Variants in MEF2C observed in about 807,000 individuals in gnomAD.
The protein encoded by MEF2C is myocyte-specific enhancer factor 2C.
Under a neutral mutation model 50.5 loss-of-function variants are expected in MEF2C, and 6 were observed. That is an observed-to-expected ratio of 0.12 (90% CI 0.07 to 0.23). The LOEUF is 0.23. MEF2C is among the 10% of genes least tolerant of loss of function. The pLI is 1.00. For missense variants in MEF2C, 276 were observed against 605.0 expected, an observed-to-expected ratio of 0.46 and a Z score of 5.70; for synonymous variants, 183 against 228.0, an observed-to-expected ratio of 0.80 and a Z score of 1.78.
At chr5:88,858,185 A>G (rs1235182612) in intron 1 of MEF2C, among the ~76,000 whole-genome samples, 1 of 152,198 alleles carries the variant, frequency 6.6e-6, no homozygotes, top group Non-Finnish European at 1.5e-5. Flanking sequence ...TTGCAAAAAC[A>G]GGATCTCCTC....
intron 2 of MEF2C, among the ~76,000 whole-genome samples, chr5:88,810,357 G>A (rs1460003211): frequency 1.3e-5 from 2 of 152,058 alleles, no homozygotes; most frequent in African/African-American, 4.8e-5. Flanking sequence ...ATATGCTGTA[G>A]ACTTCAAGAA....
intron 3 of MEF2C, among the ~76,000 whole-genome samples, chr5:88,778,742 A>G (rs1159987965): frequency 6.6e-6 from 1 of 152,258 alleles, no homozygotes; most frequent in Non-Finnish European, 1.5e-5. Flanking sequence ...AATTTTTTCA[A>G]CAGTTACAAG....
intron 3 of MEF2C, among the ~76,000 whole-genome samples, chr5:88,779,122 G>A (rs778976824): frequency 6.6e-6 from 1 of 152,162 alleles, no homozygotes; most frequent in African/African-American, 2.4e-5. Context: ...TTTCACATGC[G>A]CTTAAAGTCC....
intron 7 of MEF2C, among the ~76,000 whole-genome samples, chr5:88,730,992 T>C (rs1172565166): frequency 6.6e-6 from 1 of 152,204 alleles, no homozygotes; most frequent in Non-Finnish European, 1.5e-5. Flanking sequence ...CCCATAACAT[T>C]ATCTTCATCT....
At chr5:88,838,504 G>C in intron 1 of MEF2C, 3 of 945,118 alleles carry the variant, frequency 3.2e-6, no homozygotes, top group Non-Finnish European at 3.8e-6. Flanking sequence ...TTGTCTTCCT[G>C]ATAATGGGTC....
At position 88,786,519 on chromosome 5, in the gene MEF2C, T is replaced by C. The variant is rs966299113; in HGVS notation, c.258+18079A>G. Among the ~76,000 whole-genome samples the C allele has an allele frequency of 4.6e-5, 7 of 152,320 alleles. No individual in the cohort carries two copies. The East Asian group carries it at 1.2e-3, about 25-fold the overall frequency. ...AACGATGTGGGATGCAACTTTAAGGTTGAACCTTTTATTAAGCTTAAAGGC... is the reference window on the plus strand; with the variant it reads ...AACGATGTGGGATGCAACTTTAAGGCTGAACCTTTTATTAAGCTTAAAGGC... On this transcript the variant is annotated intron_variant, in intron 3 of 10. Coordinates refer to ENST00000504921, the MANE Select transcript of MEF2C (RefSeq NM_002397.5).
Position 88,851,830 on chromosome 5 carries a change from T to C in MEF2C, c.-142-27900A>G, listed in dbSNP as rs559973360. ...AAGTACTGGAAATTATAAAATGTAT[T>C]TTCAGCATCTCAAAGAGATTAAAGT... On this transcript the variant is annotated intron_variant, in intron 1 of 10. Transcript: ENST00000504921. 5.3e-5 allele frequency among the ~76,000 whole-genome samples: 8 copies of C among 152,266 alleles called. No homozygotes were observed. The East Asian group carries it at 1.3e-3, about 26-fold the overall frequency.
At chr5:88,736,936 C>G in intron 6 of MEF2C, 1 of 985,146 alleles carries the variant, frequency 1.0e-6, no homozygotes, top group Non-Finnish European at 1.2e-6. Context: ...AACTAAAGTT[C>G]CAACTCTTTC....
chr5:88,830,808 C>A (rs1208771658), intron 1 of MEF2C, among the ~76,000 whole-genome samples: 2 of 152,078 alleles, frequency 1.3e-5, no homozygotes, highest in African/African-American at 4.8e-5. Flanking sequence ...GTAAAGCCTG[C>A]ACTGTCTTAT....
At chr5:88,898,785 A>G (rs971545972) in intron 1 of MEF2C, among the ~76,000 whole-genome samples, 2 of 152,140 alleles carry the variant, frequency 1.3e-5, no homozygotes, top group African/African-American at 4.8e-5. Context: ...TTGCAAAAGT[A>G]TTGCTTTAGT....
intron 2 of MEF2C, among the ~76,000 whole-genome samples, chr5:88,812,068 T>C (rs1803072965): frequency 1.3e-5 from 2 of 152,128 alleles, no homozygotes; most frequent in African/African-American, 4.8e-5. Context: ...ACAAAGCAAG[T>C]AGTATCTTCT....
chr5:88,855,856 G>T (rs113965063), intron 1 of MEF2C, among the ~76,000 whole-genome samples: 63 of 152,168 alleles, frequency 4.1e-4, no homozygotes, highest in Middle Eastern at 3.4e-3. Flanking sequence ...TCTTCATAGC[G>T]GTGTGAGAAC....
At chr5:88,758,754 G>C (rs71639121) in intron 4 of MEF2C, among the ~76,000 whole-genome samples, 18 of 152,174 alleles carry the variant, frequency 1.2e-4, no homozygotes, top group Non-Finnish European at 2.2e-4. Flanking sequence ...CTGTGGCATA[G>C]CTCGGAGCTG....
At chr5:88,888,191 CT>C (rs1399103701) in intron 1 of MEF2C, 1 of 152,218 alleles carries the variant, frequency 6.6e-6, no homozygotes, top group Non-Finnish European at 1.5e-5. Context: ...CAGTGTTTAA[CT>C]ATACTGAGCA....
intron 2 of MEF2C, among the ~76,000 whole-genome samples, chr5:88,813,296 G>A (rs1244245418): frequency 6.6e-6 from 1 of 152,134 alleles, no homozygotes; most frequent in Admixed American, 6.6e-5. Flanking sequence ...ATAAAAAAAG[G>A]TGGCCCTCTG....
rs900446509 is a variant in MEF2C at position 88,762,586 on chromosome 5, T to G, written c.259-1258A>C. On this transcript the variant is annotated intron_variant, in intron 3 of 10. Coordinates refer to ENST00000504921, the MANE Select transcript of MEF2C (RefSeq NM_002397.5). ...CCTGGCCTGCTTTATTATTATTATT[T>G]TTTTTTACTAACGGTTGTCAACTTA... Among the ~76,000 whole-genome samples, 4 of 151,874 alleles carry G rather than the reference T, an allele frequency of 2.6e-5. No individual in the cohort carries two copies. In the South Asian group the frequency reaches 6.3e-4, roughly 24 times the overall value.
In MEF2C at chr5:88,721,263, A is replaced by G. The variant is rs1402169619; in HGVS notation, c.*1341T>C. 1 of 152,646 alleles carries G rather than the reference A, an allele frequency of 6.6e-6. No individual in the cohort carries two copies. The highest frequency in any genetic ancestry group is 2.4e-5 in the African/African-American group (1 of 41,452). 9.5% of individuals were successfully genotyped at this position (152,646 alleles called of 1,614,324 possible). A position where few individuals can be genotyped will look rare whatever the true frequency, so the allele number is the denominator to read the frequency against. ...ATGCACTTACTGAATTCCAAGATGC[A>G]TGGTGAAATGGTGAGATCAGAAAGG... On this transcript the variant is annotated 3_prime_UTR_variant, in exon 11 of 11. Coordinates refer to ENST00000504921, the MANE Select transcript of MEF2C (RefSeq NM_002397.5).
chr5:88,771,675 A>G, intron 3 of MEF2C: 1 of 903,184 alleles, frequency 1.1e-6, no homozygotes. Context: ...TAAGCAAACA[A>G]ACTTGACAGT....
intron 3 of MEF2C, among the ~76,000 whole-genome samples, chr5:88,768,100 GA>G (rs1430436765): frequency 2.6e-5 from 4 of 152,182 alleles, no homozygotes; most frequent in Non-Finnish European, 5.9e-5. Context: ...CGCTCAGGCT[GA>G]ATCAGTTTCT....
Sources: allele counts gnomAD v4.1 joint callset (sites outside exome capture counted in the v4.1 genomes callset), GRCh38; gene constraint gnomAD v4.1.1; transcripts MANE v1.5; gene names NCBI Gene and HGNC (gene_info 2026-07-23, HGNC 2026-07-21).